Variants in CDKL5 observed in about 807,000 individuals in gnomAD.
The protein encoded by CDKL5 is cyclin-dependent kinase-like 5.
In CDKL5, 8 loss-of-function variants were observed where a neutral mutation model predicts 61.7. The ratio of observed to expected loss-of-function variants is 0.13; its 90% CI spans 0.08 to 0.23. CDKL5 has a LOEUF of 0.23. CDKL5 is among the 10% of genes least tolerant of loss of function. CDKL5 has a pLI of 1.00. For synonymous variants in CDKL5, 275 were observed against 272.3 expected (o/e 1.01, Z -0.10); for missense variants, 440 against 734.5 (o/e 0.60, Z 4.63).
chrX:18,591,053 C>T (rs1163258412), intron 9 of CDKL5, among the ~76,000 whole-genome samples: 2 of 110,834 alleles, frequency 1.8e-5, no homozygotes, highest in Non-Finnish European at 3.8e-5. Flanking sequence ...CTTCTCCTGG[C>T]AAGGTGCTTC....
downstream of CDKL5, among the ~76,000 whole-genome samples, chrX:18,643,742 G>A (rs900944160): frequency 9.0e-6 from 1 of 110,923 alleles, no homozygotes; most frequent in Admixed American, 9.6e-5. Context: ...GTTGAAATTA[G>A]CCTGGGGAAC....
Position 18,631,282 on chromosome X carries a change from T to A in CDKL5, c.*2525T>A, listed in dbSNP as rs913021018. 1.3e-6 allele frequency: 1 copy of A among 752,781 alleles called. No individual in the cohort carries two copies. The allele number at this position is 752,781 out of a possible 1,213,427, so 62.0% of individuals were successfully genotyped here. A position where few individuals can be genotyped will look rare whatever the true frequency, so the allele number is the denominator to read the frequency against. Reference sequence around the variant, plus strand: ...TTGAGCCAGAAAATACCTACAGATATCTACAAATGTTTTCAACCAGTGTTT... The same window carrying A: ...TTGAGCCAGAAAATACCTACAGATAACTACAAATGTTTTCAACCAGTGTTT... On this transcript the variant is annotated 3_prime_UTR_variant, in exon 18 of 18. Transcript: ENST00000623535.
At chrX:18,466,413 G>GTA (rs1249330596) in intron 1 of CDKL5, among the ~76,000 whole-genome samples, 3 of 111,958 alleles carry the variant, frequency 2.7e-5, no homozygotes, top group Non-Finnish European at 5.6e-5. Flanking sequence ...CTTTTAATGT[G>GTA]TATCTCAAGG....
chrX:18,646,163 CCTTT>C, intron 20 of CDKL5: 6 of 1,184,188 alleles, frequency 5.1e-6, no homozygotes, highest in Admixed American at 2.2e-5. Flanking sequence ...TTTTTTTTTT[CCTTT>C]CTGAGACAGA....
intron 1 of CDKL5, among the ~76,000 whole-genome samples, chrX:18,430,857 A>C (rs1931466974): frequency 1.0e-5 from 1 of 97,839 alleles, no homozygotes; most frequent in Non-Finnish European, 2.1e-5. Context: ...TACATTTTTA[A>C]TTTTTTTTTT....
chrX:18,446,292 C>T (rs765279303), intron 1 of CDKL5, among the ~76,000 whole-genome samples: 4 of 107,827 alleles, frequency 3.7e-5, no homozygotes, highest in Non-Finnish European at 7.7e-5. Flanking sequence ...GGTTGCAGTC[C>T]GTGAGCTGAG....
Position 18,598,457 on chromosome X carries a change from C to G in CDKL5, c.826-5C>G. On this transcript the variant is annotated splice_polypyrimidine_tract_variant and splice_region_variant and intron_variant, in intron 10 of 17. Coordinates refer to ENST00000623535, the MANE Select transcript of CDKL5 (RefSeq NM_001323289.2). ...TCTTAACGATCCTAAATTTTATTTCCTAAGAATTTACTGAAGTTGGACCCA... is the reference window on the plus strand; with the variant it reads ...TCTTAACGATCCTAAATTTTATTTCGTAAGAATTTACTGAAGTTGGACCCA... 2 of 1,199,513 alleles carry G rather than the reference C, an allele frequency of 1.7e-6. No homozygotes were observed. Among genetic ancestry groups the G allele is most frequent in the Middle Eastern group, 4.6e-4 (2 of 4,329 alleles).
intron 1 of CDKL5, among the ~76,000 whole-genome samples, chrX:18,469,851 C>T (rs893119720): frequency 4.5e-5 from 5 of 111,346 alleles, no homozygotes; most frequent in African/African-American, 1.6e-4. Flanking sequence ...ATTTTTAGTC[C>T]ATTTGTCTTT....
Position 18,647,132 on chromosome X carries a change from G to A in CDKL5, c.2797+1042G>A, listed in dbSNP as rs1017501911. The A allele has an allele frequency of 6.0e-6, 7 of 1,172,608 alleles. No individual in the cohort carries two copies. The Admixed American group carries it at 1.5e-4, about 26-fold the overall frequency. ...GGGTTTCACTGTGTTGGCCACGCTG[G>A]TAGAGAGGCCTATTTTTTTTTAAAA... On this transcript the variant is annotated intron_variant, in intron 20 of 21. Coordinates refer to the CDKL5 transcript ENST00000379989.
chrX:18,490,617 A>G (rs1359573651), intron 1 of CDKL5, among the ~76,000 whole-genome samples: 1 of 111,756 alleles, frequency 8.9e-6, no homozygotes, highest in Non-Finnish European at 1.9e-5. Flanking sequence ...TTTTTAAAAA[A>G]TTGTATCCTC....
chrX:18,653,468 C>T lies in CDKL5; in HGVS notation c.3017C>T (p.Ala1006Val), dbSNP rs573588032. Residue 1006 changes from alanine to valine, a missense_variant, in exon 22 of 22, where the codon GCC (alanine) becomes GTC (valine). Transcript: ENST00000379989. ...TTCGTGAGACACGTTATGAGGGAAG[C>T]CCTGATTCACAGGGCCCAGGTAAAC... is the stretch of plus-strand genomic sequence containing the variant. 8.3e-7 allele frequency: 1 copy of T among 1,211,414 alleles called. No homozygotes were observed.
chrX:18,490,120 C>G (rs923088469), intron 1 of CDKL5, among the ~76,000 whole-genome samples: 1 of 111,601 alleles, frequency 9.0e-6, no homozygotes, highest in African/African-American at 3.3e-5. Flanking sequence ...GCTCCCCAAC[C>G]CCTCATACCT....
At chrX:18,457,912 C>CTTTT (rs775565675) in intron 1 of CDKL5, among the ~76,000 whole-genome samples, 21 of 45,234 alleles carry the variant, frequency 4.6e-4, no homozygotes, top group East Asian at 6.8e-4. Context: ...CCATGCCCGG[C>CTTTT]TTTTTTTTTT....
chrX:18,492,590 A>G (rs766194848), intron 1 of CDKL5, among the ~76,000 whole-genome samples: 2 of 111,400 alleles, frequency 1.8e-5, no homozygotes, highest in Non-Finnish European at 3.8e-5. Context: ...GCCCAAGCCC[A>G]AAACCAAGAA....
chrX:18,650,012 T>C, intron 20 of CDKL5: 1 of 253,644 alleles, frequency 3.9e-6, no homozygotes, highest in Non-Finnish European at 7.3e-6. Context: ...CTACTAGCTC[T>C]GAGAGAGTAG....
At chrX:18,565,392 T>C (rs1443419133) in intron 4 of CDKL5, among the ~76,000 whole-genome samples, 1 of 112,258 alleles carries the variant, frequency 8.9e-6, no homozygotes, top group Non-Finnish European at 1.9e-5. Context: ...CTCTACTTTC[T>C]GTTCTTTCCT....
In CDKL5 at chrX:18,633,862, C is replaced by G; in HGVS notation, c.*5105C>G. 1 of 753,959 alleles carries G rather than the reference C, an allele frequency of 1.3e-6. No individual in the cohort carries two copies. Among genetic ancestry groups the G allele is most frequent in the Non-Finnish European group, 1.6e-6 (1 of 639,221 alleles). 62.1% of individuals were successfully genotyped at this position (753,959 alleles called of 1,213,427 possible). A position where few individuals can be genotyped will look rare whatever the true frequency, so the allele number is the denominator to read the frequency against. ...CTCTCCGGGCACTGACCCCACCTTT[C>G]CGTGTATTTACTGTAGGCTATTAAA... On this transcript the variant is annotated 3_prime_UTR_variant, in exon 18 of 18. Transcript: ENST00000623535.
intron 20 of CDKL5, among the ~76,000 whole-genome samples, chrX:18,649,453 G>GCCCTGTC (rs1215889821): frequency 1.8e-5 from 2 of 111,756 alleles, no homozygotes; most frequent in African/African-American, 6.5e-5. Flanking sequence ...AATGAAACAT[G>GCCCTGTC]CTTGCAGAGA....
chrX:18,462,297 G>A (rs1161633837), intron 1 of CDKL5, among the ~76,000 whole-genome samples: 2 of 110,677 alleles, frequency 1.8e-5, no homozygotes, highest in Non-Finnish European at 3.8e-5. Flanking sequence ...ATTGCTTGAT[G>A]GAATCATGTA....
Sources: gnomAD v4.1 joint callset for allele counts (sites outside exome capture counted in the v4.1 genomes callset) on GRCh38, gnomAD v4.1.1 for gene constraint, MANE v1.5 for transcripts, NCBI Gene and HGNC (gene_info 2026-07-23, HGNC 2026-07-21) for gene names.